The following PDE11A variants were observed in gnomAD, a reference collection of about 807,000 sequenced individuals.
The protein encoded by PDE11A is dual 3',5'-cyclic-AMP and -GMP phosphodiesterase 11A.
A neutral mutation model predicts 100.5 loss-of-function variants in PDE11A; 100 were observed. That is an observed-to-expected ratio of 1.00 (90% CI 0.85 to 1.18). The LOEUF is 1.18. PDE11A is among the 50% of genes most tolerant of loss of function. The probability of loss-of-function intolerance (pLI) is 0.00; values close to 1 mark genes in which losing one functional copy is unlikely to be tolerated. For missense variants in PDE11A, 1,141 were observed against 1,152.6 expected (o/e 0.99, Z 0.15); for synonymous variants, 381 against 420.8 (o/e 0.91, Z 1.16).
chr2:177,743,339 T>A (rs933390422), intron 10 of PDE11A, among the ~76,000 whole-genome samples: 1 of 152,124 alleles, frequency 6.6e-6, no homozygotes, highest in Non-Finnish European at 1.5e-5. Flanking sequence ...AGAAAAGAGA[T>A]AAGAACAAGG....
At chr2:177,921,051 G>C in intron 2 of PDE11A, among the ~76,000 whole-genome samples, 1 of 142,118 alleles carries the variant, frequency 7.0e-6, no homozygotes, top group Non-Finnish European at 1.5e-5. Context: ...GACAGAGCGA[G>C]ACTCCATCTC....
chr2:177,636,558 A>G (rs2080041214), intron 19 of PDE11A, among the ~76,000 whole-genome samples: 1 of 152,186 alleles, frequency 6.6e-6, no homozygotes, highest in East Asian at 1.9e-4. Context: ...CAGGAACTTT[A>G]TGAAATGGTT....
chr2:177,638,627 A>G (rs974426589), intron 19 of PDE11A, among the ~76,000 whole-genome samples: 1 of 152,034 alleles, frequency 6.6e-6, no homozygotes, highest in Non-Finnish European at 1.5e-5. Context: ...AGCCTTCTTC[A>G]GTTTTGTTCT....
At chr2:177,820,638 T>C (rs1342399420) in intron 6 of PDE11A, among the ~76,000 whole-genome samples, 2 of 152,014 alleles carry the variant, frequency 1.3e-5, no homozygotes, top group Admixed American at 6.6e-5. Context: ...CCTCTGGGTA[T>C]TTAAAGCATT....
At chr2:177,767,603 A>G (rs568843958) in intron 10 of PDE11A, among the ~76,000 whole-genome samples, 2 of 152,298 alleles carry the variant, frequency 1.3e-5, no homozygotes, top group Non-Finnish European at 2.9e-5. Flanking sequence ...AAAAGCTTAA[A>G]TATTTTTGAT....
chr2:178,020,781 G>A (rs543765968), intron 1 of PDE11A, among the ~76,000 whole-genome samples: 1 of 152,112 alleles, frequency 6.6e-6, no homozygotes, highest in East Asian at 1.9e-4. Flanking sequence ...CTGGGCGACA[G>A]AGCAAGACTC....
intron 10 of PDE11A, among the ~76,000 whole-genome samples, chr2:177,747,628 T>C (rs1233565647): frequency 1.3e-5 from 2 of 152,266 alleles, no homozygotes; most frequent in African/African-American, 4.8e-5. Context: ...ACCTTTCTCC[T>C]TTCCTCTTCC....
intron 10 of PDE11A, among the ~76,000 whole-genome samples, chr2:177,763,918 G>A (rs1364695772): frequency 1.3e-5 from 2 of 152,172 alleles, no homozygotes; most frequent in Non-Finnish European, 2.9e-5. Context: ...GAGAAGGGGG[G>A]CAGCCCTGCA....
chr2:177,943,699 T>C (rs2085371379), intron 2 of PDE11A, among the ~76,000 whole-genome samples: 1 of 152,232 alleles, frequency 6.6e-6, no homozygotes, highest in East Asian at 1.9e-4. Flanking sequence ...TTCTATTCAT[T>C]GTGTTCTTTG....
chr2:177,767,101 G>T (rs1470750717), intron 10 of PDE11A, among the ~76,000 whole-genome samples: 11 of 152,178 alleles, frequency 7.2e-5, no homozygotes, highest in Non-Finnish European at 1.6e-4. Context: ...GGAGGCTGAG[G>T]CAGGCAGACC....
chr2:177,642,099 T>G (rs1325517062), intron 19 of PDE11A, among the ~76,000 whole-genome samples: 1 of 152,226 alleles, frequency 6.6e-6, no homozygotes, highest in African/African-American at 2.4e-5. Context: ...TTTGAATAGG[T>G]CAGCCTGCTG....
intron 2 of PDE11A, among the ~76,000 whole-genome samples, chr2:177,978,974 G>A (rs1336804938): frequency 2.3e-5 from 3 of 131,188 alleles, no homozygotes; most frequent in African/African-American, 8.4e-5. Context: ...TATACCTAAT[G>A]CTAGATGACA....
chr2:177,737,420 T>TACACATACACACACACACAC (rs2081804181), intron 10 of PDE11A, among the ~76,000 whole-genome samples: 1 of 110,434 alleles, frequency 9.1e-6, no homozygotes, highest in Admixed American at 1.0e-4. Context: ...CTACTAAAAA[T>TACACATACACACACACACAC]ACACACACAC....
In PDE11A at chr2:177,701,222, A is replaced by G; in HGVS notation, c.2154-11T>C. ...AGGGCAGAGCCACTCCTGAAAGAGG[A>G]CAGAGGGTGAGTGAGCAGGGCCTAT... On this transcript the variant is annotated splice_polypyrimidine_tract_variant and intron_variant, in intron 13 of 19. Transcript: ENST00000286063. The G allele has an allele frequency of 1.4e-6, 2 of 1,380,118 alleles. No individual in the cohort carries two copies. Among genetic ancestry groups the G allele is most frequent in the East Asian group, 2.3e-5 (1 of 43,796 alleles). The allele number at this position is 1,380,118 out of a possible 1,614,324, so 85.5% of individuals were successfully genotyped here. A position where few individuals can be genotyped will look rare whatever the true frequency, so the allele number is the denominator to read the frequency against.
rs771397972 is a variant in PDE11A at position 178,014,389 on chromosome 2, G to A, written c.984C>T (p.Ile328=). The A allele has an allele frequency of 3.7e-6, 6 of 1,611,432 alleles. No homozygotes were observed. The highest frequency in any genetic ancestry group is 5.1e-6 in the Non-Finnish European group (6 of 1,177,586). ...CAATAATCTCACCATCACTGCTTCG[G>A]ATAGGCATGCACAATAATGATTTTG... is the stretch of plus-strand genomic sequence containing the variant. The part of the protein sequence containing the change: ...YKTKSLLCMP[I]RSSDGEIIGV... Residue 328 remains isoleucine (I), a synonymous_variant, in exon 2 of 20, where the codon ATC becomes ATT. Coordinates refer to ENST00000286063, the MANE Select transcript of PDE11A (RefSeq NM_016953.4).
At chr2:177,889,393 T>A (rs77646363) in intron 4 of PDE11A, among the ~76,000 whole-genome samples, 4,159 of 152,304 alleles carry the variant, frequency 0.027, 183 homozygotes, top group African/African-American at 0.095. Context: ...GCAGTCGGTA[T>A]CAGTTTTGCC....
rs575677470 is a variant in PDE11A, at chr2:177,760,413, A to T, written c.1788+8910T>A. 1.1e-4 allele frequency among the ~76,000 whole-genome samples: 17 copies of T among 152,260 alleles called. No individual in the cohort carries two copies. In the South Asian group the frequency reaches 3.5e-3, roughly 32 times the overall value. ...ATTACCTTTCAAATATAATATAGTC[A>T]TGGGGGCTTTGGAAATTACTTATAT... On this transcript the variant is annotated intron_variant, in intron 10 of 19. Transcript: ENST00000286063.
At chr2:178,051,642 A>G (rs543275167) in intron 1 of PDE11A, among the ~76,000 whole-genome samples, 1 of 152,338 alleles carries the variant, frequency 6.6e-6, no homozygotes, top group Non-Finnish European at 1.5e-5. Context: ...CATAGGCTCA[A>G]AATAAAGGGA....
chr2:177,816,964 A>C, intron 8 of PDE11A, 43 bp from the exon 9 acceptor site: 120 of 1,155,852 alleles, frequency 1.0e-4, no homozygotes, highest in Non-Finnish European at 1.5e-4. Context: ...GCAGCAACTC[A>C]TTGGCAAAAT....
Sources: gnomAD v4.1 joint callset for allele counts (sites outside exome capture counted in the v4.1 genomes callset) on GRCh38, gnomAD v4.1.1 for gene constraint, MANE v1.5 for transcripts, NCBI Gene and HGNC (gene_info 2026-07-23, HGNC 2026-07-21) for gene names.